SORCS3: variants seen among roughly 807,000 people sequenced by gnomAD.
SORCS3 encodes VPS10 domain-containing receptor SorCS3.
SORCS3 carries 57 observed loss-of-function variants against 146.3 expected under a neutral mutation model. The ratio of observed to expected loss-of-function variants is 0.39; its 90% CI spans 0.31 to 0.49. The LOEUF (loss-of-function observed/expected upper bound fraction) is 0.49. Ranked by LOEUF, SORCS3 falls within the 20% of genes least tolerant of loss-of-function variation. The pLI, the probability that SORCS3 is intolerant of heterozygous loss-of-function variation, is 0.92. For synonymous variants in SORCS3, 653 were observed against 618.5 expected, an observed-to-expected ratio of 1.06 and a Z score of -0.83; for missense variants, 1,341 against 1,575.5, an observed-to-expected ratio of 0.85 and a Z score of 2.52.
At chr10:105,240,588 C>A (rs2056816432) in intron 20 of SORCS3, among the ~76,000 whole-genome samples, 1 of 152,134 alleles carries the variant, frequency 6.6e-6, no homozygotes. Flanking sequence ...ATTTAAGACA[C>A]CTATATTCTT....
intron 1 of SORCS3, among the ~76,000 whole-genome samples, chr10:104,765,923 C>T (rs1180111333): frequency 6.6e-6 from 1 of 152,146 alleles, no homozygotes; most frequent in Non-Finnish European, 1.5e-5. Context: ...GTGTTTTTAG[C>T]TGCCTTACTA....
chr10:105,228,542 G>A (rs118177248), intron 20 of SORCS3, among the ~76,000 whole-genome samples: 22 of 151,808 alleles, frequency 1.4e-4, no homozygotes, highest in South Asian at 4.2e-4. Context: ...AAATCTAGTG[G>A]TGATGAATTC....
intron 1 of SORCS3, among the ~76,000 whole-genome samples, chr10:104,683,639 C>T (rs1017280784): frequency 6.6e-6 from 1 of 152,052 alleles, no homozygotes; most frequent in African/African-American, 2.4e-5. Context: ...TGATTTTTGT[C>T]CCAGCCAAAC....
chr10:104,846,268 C>A (rs149480352), intron 2 of SORCS3, among the ~76,000 whole-genome samples: 4 of 152,210 alleles, frequency 2.6e-5, no homozygotes, highest in Non-Finnish European at 4.4e-5. Context: ...GTCTTTCTCA[C>A]GTATCTTCTA....
At chr10:105,182,328 A>G (rs1488911621) in intron 14 of SORCS3, among the ~76,000 whole-genome samples, 1 of 147,000 alleles carries the variant, frequency 6.8e-6, no homozygotes, top group Non-Finnish European at 1.5e-5. Context: ...GAAGGTAGAT[A>G]GGATTGGCAT....
intron 7 of SORCS3, among the ~76,000 whole-genome samples, chr10:105,110,140 C>T (rs777774100): frequency 2.0e-5 from 3 of 151,616 alleles, no homozygotes; most frequent in Non-Finnish European, 2.9e-5. Context: ...TTTCTAGGCT[C>T]TTTTTGCTTT....
intron 1 of SORCS3, among the ~76,000 whole-genome samples, chr10:104,647,053 G>T (rs1463766219): frequency 6.6e-6 from 1 of 152,174 alleles, no homozygotes; most frequent in Non-Finnish European, 1.5e-5. Flanking sequence ...AGAAATTGTT[G>T]TTGCCTGGGA....
chr10:104,978,722 G>A (rs1347477918), intron 4 of SORCS3, among the ~76,000 whole-genome samples: 2 of 151,960 alleles, frequency 1.3e-5, no homozygotes, highest in African/African-American at 4.8e-5. Flanking sequence ...AGTTTTGTTT[G>A]TCATCTGAAC....
intron 1 of SORCS3, among the ~76,000 whole-genome samples, chr10:104,680,215 T>G (rs2015954817): frequency 6.6e-6 from 1 of 152,158 alleles, no homozygotes; most frequent in Non-Finnish European, 1.5e-5. Flanking sequence ...CACTGTTGAG[T>G]CCTAGATGAG....
At chr10:104,708,751 C>A (rs984560926) in intron 1 of SORCS3, among the ~76,000 whole-genome samples, 6 of 152,156 alleles carry the variant, frequency 3.9e-5, no homozygotes, top group Non-Finnish European at 8.8e-5. Context: ...ATATTTTAAT[C>A]TCTCTTTCCT....
At chr10:105,105,836 T>A (rs1310372740) in intron 7 of SORCS3, among the ~76,000 whole-genome samples, 1 of 152,188 alleles carries the variant, frequency 6.6e-6, no homozygotes, top group Non-Finnish European at 1.5e-5. Flanking sequence ...ACATTCTATT[T>A]CTACCCAAAG....
At chr10:104,759,176 C>T (rs1165010354) in intron 1 of SORCS3, among the ~76,000 whole-genome samples, 1 of 152,136 alleles carries the variant, frequency 6.6e-6, no homozygotes, top group Non-Finnish European at 1.5e-5. Context: ...GGTGATGCAG[C>T]TGGAATGCCA....
At chr10:104,886,555 C>CATCTATCTATCCATCTATCTATCT (rs1554857174) in intron 2 of SORCS3, among the ~76,000 whole-genome samples, 3 of 127,034 alleles carry the variant, frequency 2.4e-5, no homozygotes, top group Admixed American at 7.4e-5. Flanking sequence ...ATAACTCTAT[C>CATCTATCTATCCATCTATCTATCT]ATCTATCTAT....
At chr10:104,797,805 C>T (rs1481017963) in intron 1 of SORCS3, among the ~76,000 whole-genome samples, 3 of 152,080 alleles carry the variant, frequency 2.0e-5, no homozygotes, top group Non-Finnish European at 4.4e-5. Flanking sequence ...CTTTTAATTG[C>T]AAGACACTTC....
At chr10:105,245,742 G>A in intron 21 of SORCS3, 77 bp downstream of exon 21, 1 of 1,511,188 alleles carries the variant, frequency 6.6e-7, no homozygotes, top group East Asian at 2.4e-5. Context: ...TACAATCATT[G>A]AGTGTGGTGG....
intron 1 of SORCS3, among the ~76,000 whole-genome samples, chr10:104,815,142 A>C (rs1382030404): frequency 6.6e-6 from 1 of 152,170 alleles, no homozygotes; most frequent in African/African-American, 2.4e-5. Context: ...ATTTACAGTC[A>C]GTTATCACCA....
chr10:105,045,622 T>C (rs2055366849), intron 5 of SORCS3, among the ~76,000 whole-genome samples: 1 of 152,142 alleles, frequency 6.6e-6, no homozygotes, highest in Admixed American at 6.6e-5. Flanking sequence ...GGGATGTAAA[T>C]ATTAACTTGT....
At chr10:104,896,838 A>G (rs966671672) in intron 2 of SORCS3, among the ~76,000 whole-genome samples, 5 of 152,212 alleles carry the variant, frequency 3.3e-5, no homozygotes, top group African/African-American at 1.2e-4. Context: ...TTTGTGCTAT[A>G]ATGGCAGAGT....
At chr10:105,245,700 C>A (rs1218873270) in intron 21 of SORCS3, 35 bp downstream of exon 21, 1 of 1,607,612 alleles carries the variant, frequency 6.2e-7, no homozygotes, top group South Asian at 1.1e-5. Flanking sequence ...ATGCTCCTTC[C>A]CGCTCAGTTA....
Sources: allele counts gnomAD v4.1 joint callset (sites outside exome capture counted in the v4.1 genomes callset), GRCh38; gene constraint gnomAD v4.1.1; transcripts MANE v1.5; gene names NCBI Gene and HGNC (gene_info 2026-07-23, HGNC 2026-07-21).